SFMBT1: variants seen among roughly 807,000 people sequenced by gnomAD.
The protein encoded by SFMBT1 is Scm like with four mbt domains 1.
In SFMBT1, 32 loss-of-function variants were observed where a neutral mutation model predicts 108.7. The observed-to-expected ratio is 0.29, with a 90% confidence interval of 0.22 to 0.40. The LOEUF (loss-of-function observed/expected upper bound fraction) is 0.40. Ranked by LOEUF, SFMBT1 falls within the 10% of genes least tolerant of loss-of-function variation. The probability of loss-of-function intolerance (pLI) is 1.00; values close to 1 mark genes in which losing one functional copy is unlikely to be tolerated. For synonymous variants in SFMBT1, 348 were observed against 369.5 expected (o/e 0.94, Z 0.67); for missense variants, 816 against 1,059.6 (o/e 0.77, Z 3.19).
At chr3:52,968,692 T>C (rs2336671) in intron 2 of SFMBT1, among the ~76,000 whole-genome samples, 111,566 of 150,604 alleles carry the variant, frequency 0.74, 41,439 homozygotes, top group South Asian at 0.87. Context: ...CTCTGCCTCC[T>C]GGGTTCACAC....
At chr3:52,925,854 A>G (rs1433413173) in intron 10 of SFMBT1, among the ~76,000 whole-genome samples, 177 bp downstream of exon 10, 1 of 152,244 alleles carries the variant, frequency 6.6e-6, no homozygotes, top group Non-Finnish European at 1.5e-5. Context: ...TAGCAAACTA[A>G]CTGATTCACT....
chr3:53,046,062 T>A lies in SFMBT1; in HGVS notation c.-377A>T, dbSNP rs1700235411. On this transcript the variant is annotated 5_prime_UTR_variant, in exon 1 of 21. Coordinates refer to ENST00000394752, the MANE Select transcript of SFMBT1 (RefSeq NM_016329.4). ...CGGCGGCGGCGCTCCGCGCTCCGAC[T>A]CATTCCAATATGGCACGGACGCAGG... is the stretch of plus-strand genomic sequence containing the variant. The A allele has an allele frequency of 6.6e-6, 1 of 150,440 alleles. No individual in the cohort carries two copies. The highest frequency in any genetic ancestry group is 2.1e-4 in the South Asian group (1 of 4,782). The allele number at this position is 150,440 out of a possible 1,614,324, so 9.3% of individuals were successfully genotyped here.
At chr3:52,967,005 A>G (rs887038836) in intron 2 of SFMBT1, among the ~76,000 whole-genome samples, 11 of 151,426 alleles carry the variant, frequency 7.3e-5, no homozygotes, top group African/African-American at 2.4e-4. Flanking sequence ...AAGTGCTACA[A>G]GAGGATATAC....
At chr3:52,931,502 A>G (rs1702857913) in intron 6 of SFMBT1, among the ~76,000 whole-genome samples, 1 of 152,098 alleles carries the variant, frequency 6.6e-6, no homozygotes. Flanking sequence ...TATGAGGTAT[A>G]TCAATATGTG....
chr3:52,918,347 G>A (rs1056672849), intron 13 of SFMBT1, 137 bp downstream of exon 13: 1 of 599,452 alleles, frequency 1.7e-6, no homozygotes, highest in Non-Finnish European at 2.7e-6. Flanking sequence ...ATACTGCAAA[G>A]AGAAGTATAC....
chr3:52,919,010 T>C (rs552520477), intron 12 of SFMBT1, among the ~76,000 whole-genome samples: 25 of 152,212 alleles, frequency 1.6e-4, no homozygotes, highest in African/African-American at 5.3e-4. Flanking sequence ...AATAAGATTC[T>C]TGCTCCTATG....
intron 1 of SFMBT1, among the ~76,000 whole-genome samples, chr3:52,972,791 A>ACC (rs1491045347): frequency 7.7e-6 from 1 of 129,710 alleles, no homozygotes; most frequent in Non-Finnish European, 1.6e-5. Context: ...ACACACACAC[A>ACC]CTAGCTGAGT....
intron 1 of SFMBT1, among the ~76,000 whole-genome samples, chr3:53,012,400 GCT>G (rs1256147912): frequency 6.6e-6 from 1 of 151,838 alleles, no homozygotes; most frequent in Non-Finnish European, 1.5e-5. Context: ...TGCAGTGAGT[GCT>G]CTTTTTTTTT....
chr3:52,959,087 G>A (rs923517290), intron 2 of SFMBT1, among the ~76,000 whole-genome samples: 13 of 151,760 alleles, frequency 8.6e-5, no homozygotes, highest in African/African-American at 3.1e-4. Context: ...GTGAAAACAT[G>A]GACACATCGG....
At chr3:53,004,163 T>G (rs568546078) in intron 1 of SFMBT1, among the ~76,000 whole-genome samples, 1 of 149,794 alleles carries the variant, frequency 6.7e-6, no homozygotes, top group South Asian at 2.1e-4. Flanking sequence ...ATACTTTACC[T>G]TCATGGTACT....
intron 19 of SFMBT1, 126 bp from the exon 20 acceptor site, chr3:52,906,367 C>A: frequency 1.4e-6 from 2 of 1,444,408 alleles, no homozygotes; most frequent in Non-Finnish European, 1.9e-6. Context: ...ATGATTTCTC[C>A]CAGCAAAGAT....
chr3:52,939,150 T>C (rs565252403), intron 4 of SFMBT1, among the ~76,000 whole-genome samples: 19 of 152,356 alleles, frequency 1.2e-4, no homozygotes, highest in African/African-American at 4.1e-4. Context: ...TGGTATTATT[T>C]TTTGCTTTAA....
At chr3:52,942,581 C>G (rs1011091427) in intron 4 of SFMBT1, among the ~76,000 whole-genome samples, 1 of 152,176 alleles carries the variant, frequency 6.6e-6, no homozygotes, top group Non-Finnish European at 1.5e-5. Context: ...GGCGCGATCT[C>G]GGCTCAATGC....
Position 52,995,837 on chromosome 3 carries a change from T to C in SFMBT1, c.-130-26579A>G, listed in dbSNP as rs1046982170. Among the ~76,000 whole-genome samples, 18 of 149,780 alleles carry C rather than the reference T, an allele frequency of 1.2e-4. 4 individuals carry two copies. The highest frequency in any genetic ancestry group is 2.4e-4 in the Non-Finnish European group (16 of 66,816). On this transcript the variant is annotated intron_variant, in intron 1 of 20. Transcript: ENST00000394752. ...CTATAATCTTAGCACTTTGGGAGGC[T>C]GAGGCGGGTGGATCACCTCAGGTCA...
chr3:52,999,066 G>T (rs570934738), intron 1 of SFMBT1, among the ~76,000 whole-genome samples: 1 of 150,950 alleles, frequency 6.6e-6, no homozygotes, highest in East Asian at 1.9e-4. Flanking sequence ...GGGGACGCCC[G>T]AGGACATGCT....
chr3:52,936,263 A>G (rs1703006804), intron 4 of SFMBT1, among the ~76,000 whole-genome samples: 1 of 152,186 alleles, frequency 6.6e-6, no homozygotes, highest in African/African-American at 2.4e-5. Context: ...ATTTCTCTAC[A>G]TCAACTATTT....
intron 17 of SFMBT1, among the ~76,000 whole-genome samples, chr3:52,908,917 TA>T (rs973059887): frequency 1.3e-5 from 2 of 152,104 alleles, no homozygotes; most frequent in African/African-American, 2.4e-5. Context: ...ACTTTATGGT[TA>T]AAAAAAGAGA....
chr3:52,966,661 T>A (rs1172935082), intron 2 of SFMBT1, among the ~76,000 whole-genome samples: 5 of 147,366 alleles, frequency 3.4e-5, no homozygotes, highest in African/African-American at 1.0e-4. Flanking sequence ...TAAAGAAAAT[T>A]CTCTAAATAG....
At chr3:52,914,530 A>G (rs1702296859) in intron 14 of SFMBT1, among the ~76,000 whole-genome samples, 2 of 152,156 alleles carry the variant, frequency 1.3e-5, no homozygotes, top group African/African-American at 2.4e-5. Context: ...GTTTGAGACC[A>G]GCCTGGGTAA....
Sources: allele counts gnomAD v4.1 joint callset (sites outside exome capture counted in the v4.1 genomes callset), GRCh38; gene constraint gnomAD v4.1.1; transcripts MANE v1.5; gene names NCBI Gene and HGNC (gene_info 2026-07-23, HGNC 2026-07-21).